The following ZMAT4 variants were observed in gnomAD, a reference collection of about 807,000 sequenced individuals.
The protein encoded by ZMAT4 is zinc finger matrin-type protein 4.
A neutral mutation model predicts 28.7 loss-of-function variants in ZMAT4; 17 were observed. That is an observed-to-expected ratio of 0.59 (90% CI 0.41 to 0.89). The LOEUF (loss-of-function observed/expected upper bound fraction) is 0.89. Among genes scored for constraint, ZMAT4 ranks in the 40% least tolerant of loss-of-function variants. The pLI is 0.00. For missense variants in ZMAT4, 240 were observed against 283.8 expected (o/e 0.85, Z 1.11); for synonymous variants, 117 against 109.2 (o/e 1.07, Z -0.44).
At chr8:40,819,076 C>G (rs1194869324) in intron 2 of ZMAT4, among the ~76,000 whole-genome samples, 8 of 152,104 alleles carry the variant, frequency 5.3e-5, no homozygotes, top group African/African-American at 1.9e-4. Context: ...TAAATAGAAG[C>G]TAGCCAAGGC....
At chr8:40,731,669 C>G (rs1052817414) in intron 3 of ZMAT4, among the ~76,000 whole-genome samples, 1 of 152,152 alleles carries the variant, frequency 6.6e-6, no homozygotes, top group Non-Finnish European at 1.5e-5. Flanking sequence ...CACTTGAAAA[C>G]AGCTGTCGTA....
At chr8:40,837,840 A>C (rs75548630) in intron 1 of ZMAT4, among the ~76,000 whole-genome samples, 1,677 of 152,318 alleles carry the variant, frequency 0.011, 24 homozygotes, top group African/African-American at 0.037. Flanking sequence ...TTTACAGATG[A>C]GCCAACCAGG....
intron 6 of ZMAT4, among the ~76,000 whole-genome samples, chr8:40,554,091 T>G (rs141495673): frequency 5.9e-5 from 9 of 152,290 alleles, no homozygotes; most frequent in African/African-American, 2.2e-4. Flanking sequence ...GTCACCACAG[T>G]CTGGTTTTAG....
At chr8:40,605,980 T>G (rs1021804126) in intron 5 of ZMAT4, among the ~76,000 whole-genome samples, 2 of 152,256 alleles carry the variant, frequency 1.3e-5, no homozygotes, top group African/African-American at 4.8e-5. Flanking sequence ...TTGTCTGATA[T>G]AAGAATAACT....
chr8:40,845,857 G>A (rs934081022), intron 1 of ZMAT4, among the ~76,000 whole-genome samples: 11 of 150,188 alleles, frequency 7.3e-5, no homozygotes, highest in African/African-American at 2.7e-4. Context: ...AACAATGATA[G>A]AGCCAAGCAT....
At chr8:40,573,530 G>C (rs1804166055) in intron 6 of ZMAT4, among the ~76,000 whole-genome samples, 2 of 152,054 alleles carry the variant, frequency 1.3e-5, no homozygotes, top group Admixed American at 6.6e-5. Flanking sequence ...GTAGATTTCG[G>C]ATGATTTCAT....
At position 40,830,753 on chromosome 8, in the gene ZMAT4, A is replaced by T. The variant is rs116036630; in HGVS notation, c.-4-5073T>A. ...TCTGATGGTGCTGAAATAACTTCTG[A>T]CTCAGAGAGCCCAAAACCCATGCAG... On this transcript the variant is annotated intron_variant, in intron 1 of 6. Transcript: ENST00000297737. Among the ~76,000 whole-genome samples the T allele has an allele frequency of 4.1e-3, 619 of 152,246 alleles. 2 individuals are homozygous for T. The highest frequency in any genetic ancestry group is 0.014 in the African/African-American group (572 of 41,526).
At chr8:40,547,965 G>T (rs1167725875) in intron 6 of ZMAT4, among the ~76,000 whole-genome samples, 2 of 152,164 alleles carry the variant, frequency 1.3e-5, no homozygotes, top group Non-Finnish European at 2.9e-5. Context: ...ATCTGGGACG[G>T]CCTCACTGGG....
chr8:40,676,812 G>A (rs1405489765), intron 4 of ZMAT4, among the ~76,000 whole-genome samples: 1 of 152,094 alleles, frequency 6.6e-6, no homozygotes, highest in Non-Finnish European at 1.5e-5. Flanking sequence ...ATTTGGTCAT[G>A]TTATCACCAT....
Position 40,688,791 on chromosome 8 carries a change from T to C in ZMAT4, c.349+8454A>G, listed in dbSNP as rs144697035. ...ATAGCAGAGTAACCTATCGAGAAAT[T>C]AGAAATTATTTTCTTATAGGCTCAC... On this transcript the variant is annotated intron_variant, in intron 4 of 6. Coordinates refer to ENST00000297737, the MANE Select transcript of ZMAT4 (RefSeq NM_024645.3). Among the ~76,000 whole-genome samples, 278 of 152,318 alleles carry C rather than the reference T, an allele frequency of 1.8e-3. 1 individual carries two copies. Among genetic ancestry groups the C allele is most frequent in the African/African-American group, 6.3e-3 (262 of 41,574 alleles).
intron 6 of ZMAT4, among the ~76,000 whole-genome samples, chr8:40,540,663 C>T (rs370888571): frequency 6.6e-6 from 1 of 152,202 alleles, no homozygotes; most frequent in Non-Finnish European, 1.5e-5. Flanking sequence ...GTCAGAAGTG[C>T]AGGCATCCTG....
chr8:40,681,849 T>C (rs1809179023), intron 4 of ZMAT4, among the ~76,000 whole-genome samples: 1 of 152,136 alleles, frequency 6.6e-6, no homozygotes, highest in Non-Finnish European at 1.5e-5. Context: ...AAATAAATTT[T>C]AGTCATCTAT....
chr8:40,768,779 C>T (rs1292879841), intron 2 of ZMAT4, among the ~76,000 whole-genome samples: 1 of 152,154 alleles, frequency 6.6e-6, no homozygotes, highest in Non-Finnish European at 1.5e-5. Flanking sequence ...GACTGCATCA[C>T]CTCTCGAATC....
At chr8:40,654,883 G>A (rs926085197) in intron 5 of ZMAT4, among the ~76,000 whole-genome samples, 6 of 152,102 alleles carry the variant, frequency 3.9e-5, no homozygotes, top group African/African-American at 7.2e-5. Flanking sequence ...CCTAAGATCA[G>A]AAATAAGACA....
chr8:40,891,385 A>G (rs1467613825), intron 1 of ZMAT4, among the ~76,000 whole-genome samples: 1 of 151,422 alleles, frequency 6.6e-6, no homozygotes, highest in Non-Finnish European at 1.5e-5. Flanking sequence ...GGTTCTCTCC[A>G]TGGGCCATGT....
At chr8:40,605,484 T>C (rs1028062641) in intron 5 of ZMAT4, among the ~76,000 whole-genome samples, 1 of 152,208 alleles carries the variant, frequency 6.6e-6, no homozygotes, top group African/African-American at 2.4e-5. Flanking sequence ...TGTATTTGTA[T>C]GGTTTTGAGA....
intron 1 of ZMAT4, among the ~76,000 whole-genome samples, chr8:40,869,828 C>T (rs1563256439): frequency 6.6e-6 from 1 of 152,180 alleles, no homozygotes; most frequent in Admixed American, 6.5e-5. Flanking sequence ...GCACCATTAG[C>T]AGGGCACCGA....
chr8:40,703,161 C>T (rs1213485926), intron 3 of ZMAT4, among the ~76,000 whole-genome samples: 1 of 152,152 alleles, frequency 6.6e-6, no homozygotes, highest in East Asian at 1.9e-4. Flanking sequence ...TCAGCATTTG[C>T]TAATTCAGTG....
chr8:40,542,095 G>A (rs906681334), intron 6 of ZMAT4, among the ~76,000 whole-genome samples: 1 of 152,186 alleles, frequency 6.6e-6, no homozygotes, highest in African/African-American at 2.4e-5. Flanking sequence ...CCGGAGGGGA[G>A]GGAAGGACTG....
Sources: allele counts gnomAD v4.1 joint callset (sites outside exome capture counted in the v4.1 genomes callset), GRCh38; gene constraint gnomAD v4.1.1; transcripts MANE v1.5; gene names NCBI Gene and HGNC (gene_info 2026-07-23, HGNC 2026-07-21).